C9orf43: variants seen among roughly 807,000 people sequenced by gnomAD.
C9orf43 encodes the protein uncharacterized protein C9orf43.
C9orf43 carries 45 observed loss-of-function variants against 59.1 expected under a neutral mutation model. That is an observed-to-expected ratio of 0.76 (90% CI 0.60 to 0.98). C9orf43 has a LOEUF of 0.98. C9orf43 is among the 50% of genes least tolerant of loss of function. The pLI, the probability that C9orf43 is intolerant of heterozygous loss-of-function variation, is 0.00. For synonymous variants in C9orf43, 203 were observed against 196.8 expected (o/e 1.03, Z -0.26); for missense variants, 533 against 554.9 (o/e 0.96, Z 0.40).
chr9:113,419,568 G>C (rs1439820516), intron 4 of C9orf43, among the ~76,000 whole-genome samples: 1 of 152,120 alleles, frequency 6.6e-6, no homozygotes, highest in Non-Finnish European at 1.5e-5. Flanking sequence ...TCTACAGTAA[G>C]AAATAGATTT....
chr9:113,418,331 T>C (rs751554856), intron 3 of C9orf43, among the ~76,000 whole-genome samples: 1 of 152,214 alleles, frequency 6.6e-6, no homozygotes, highest in Non-Finnish European at 1.5e-5. Flanking sequence ...ATTTGTCCTT[T>C]TGTGTCTGGC....
At chr9:113,423,217 C>T (rs1828651786) in intron 6 of C9orf43, 109 bp from the exon 7 acceptor site, 13 of 1,076,436 alleles carry the variant, frequency 1.2e-5, no homozygotes, top group Non-Finnish European at 1.7e-5. Flanking sequence ...GAGGAGGCAA[C>T]CATGGCTGGA....
intron 1 of C9orf43, among the ~76,000 whole-genome samples, chr9:113,413,106 C>T (rs1828231587): frequency 6.6e-6 from 1 of 152,150 alleles, no homozygotes. Context: ...ATATGCCAGG[C>T]TTTTAATATC....
At chr9:113,424,875 C>T in intron 8 of C9orf43, 144 bp from the exon 9 acceptor site, 1 of 665,412 alleles carries the variant, frequency 1.5e-6, no homozygotes. Flanking sequence ...TTCCCTTCCT[C>T]CGTAGCCCCT....
intron 6 of C9orf43, among the ~76,000 whole-genome samples, chr9:113,423,036 A>C (rs1828643090): frequency 6.6e-6 from 1 of 152,200 alleles, no homozygotes; most frequent in South Asian, 2.1e-4. Context: ...CCCCATCCCT[A>C]GCCCTGTGCC....
rs1828747887 is a variant in C9orf43 at position 113,425,359 on chromosome 9, A to G, written c.881A>G (p.Gln294Arg). ...TGGTCACCAGGTTACAGGAAACAGCAGCAGCGGCAGCAGCAGCAGCAGCAG... is the reference window on the plus strand; with the variant it reads ...TGGTCACCAGGTTACAGGAAACAGCGGCAGCGGCAGCAGCAGCAGCAGCAG... ...NLKTEGYRKQ[Q>R]QRQQQQQQQQ... The change falls in exon 10 of 14, where the codon CAG (glutamine) becomes CGG (arginine). Residue 294 changes from glutamine to arginine, a missense_variant. By Grantham distance (43) the Gln-to-Arg change is conservative. Transcript: ENST00000374165. 2 of 1,613,570 alleles carry G rather than the reference A, an allele frequency of 1.2e-6. No individual in the cohort carries two copies. Among genetic ancestry groups the G allele is most frequent in the East Asian group, 4.5e-5 (2 of 44,848 alleles).
chr9:113,418,306 G>A (rs1564403188), intron 3 of C9orf43, among the ~76,000 whole-genome samples: 1 of 152,234 alleles, frequency 6.6e-6, no homozygotes, highest in East Asian at 1.9e-4. Context: ...CCTCATGTAA[G>A]TGGAATTACA....
chr9:113,418,458 C>A (rs1263401394), intron 3 of C9orf43, among the ~76,000 whole-genome samples: 1 of 152,108 alleles, frequency 6.6e-6, no homozygotes, highest in Non-Finnish European at 1.5e-5. Context: ...AAGTACCAAA[C>A]CCTATATTTA....
intron 8 of C9orf43, 32 bp downstream of exon 8, chr9:113,424,348 T>C: frequency 6.4e-7 from 1 of 1,569,480 alleles, no homozygotes. Context: ...GGAAGAAGCC[T>C]ATGTGAAAAT....
At chr9:113,416,462 G>A (rs1828361899) in intron 3 of C9orf43, among the ~76,000 whole-genome samples, 1 of 152,006 alleles carries the variant, frequency 6.6e-6, no homozygotes, top group Non-Finnish European at 1.5e-5. Context: ...AACCTTAAAG[G>A]CCCTCTTCCT....
chr9:113,420,818 A>C (rs1262773556), intron 4 of C9orf43: 2 of 983,750 alleles, frequency 2.0e-6, no homozygotes, highest in Non-Finnish European at 2.4e-6. Flanking sequence ...GGTAAGCCCC[A>C]GGGCACCCTC....
intron 9 of C9orf43, 26 bp from the exon 10 acceptor site, chr9:113,425,318 G>A (rs1323448344): frequency 1.9e-6 from 3 of 1,613,564 alleles, no homozygotes; most frequent in Non-Finnish European, 1.7e-6. Context: ...GTTAGAAGAG[G>A]ATCAAGCTGG....
chr9:113,429,343 C>G lies in C9orf43; in HGVS notation c.1343C>G (p.Thr448Ser). ...ELKLLRILQD[T>S]DDEDEEDQSS... ...AAACTACTTAGGATTCTTCAGGACA[C>G]TGATGATGAGGATGAGGAGGACCAG... is the stretch of plus-strand genomic sequence containing the variant. The change falls in exon 14 of 14, where the codon ACT (threonine) becomes AGT (serine). Residue 448 changes from threonine (T) to serine (S), a missense_variant. By Grantham distance (58) the Thr-to-Ser change is moderately conservative. Transcript: ENST00000374165. 5 of 1,614,174 alleles carry G rather than the reference C, an allele frequency of 3.1e-6. No individual in the cohort carries two copies. Among genetic ancestry groups the G allele is most frequent in the Non-Finnish European group, 4.2e-6 (5 of 1,180,046 alleles).
intron 3 of C9orf43, among the ~76,000 whole-genome samples, chr9:113,417,189 A>G (rs1234916846): frequency 6.6e-6 from 1 of 152,206 alleles, no homozygotes; most frequent in Non-Finnish European, 1.5e-5. Context: ...AGTAGTGGAA[A>G]CATAATAAGT....
chr9:113,422,637 A>G, intron 6 of C9orf43, 52 bp downstream of exon 6: 2 of 1,602,036 alleles, frequency 1.2e-6, no homozygotes, highest in Non-Finnish European at 1.7e-6. Flanking sequence ...TGTAGAGTTT[A>G]TTTTGTTTTC....
At position 113,413,746 on chromosome 9, in the gene C9orf43, T is replaced by C; in HGVS notation, c.152-13T>C. 6.2e-7 allele frequency: 1 copy of C among 1,613,446 alleles called. No individual in the cohort carries two copies. Among genetic ancestry groups the C allele is most frequent in the Non-Finnish European group, 8.5e-7 (1 of 1,179,754 alleles). On this transcript the variant is annotated splice_polypyrimidine_tract_variant and intron_variant, in intron 2 of 13. Coordinates refer to ENST00000374165, the MANE Select transcript of C9orf43 (RefSeq NM_001278629.2). The stretch of plus-strand genomic sequence containing the variant: ...AGCAGGTTAACATGTTTTCTTCTGG[T>C]CTGCCTTCTTAGATAAACTCCCAGT...
At position 113,424,315 on chromosome 9, in the gene C9orf43, A is replaced by C; in HGVS notation, c.806A>C (p.Glu269Ala). The C allele has an allele frequency of 6.2e-7, 1 of 1,604,506 alleles. No homozygotes were observed. Among genetic ancestry groups the C allele is most frequent in the Non-Finnish European group, 8.5e-7 (1 of 1,176,934 alleles). The change falls in exon 8 of 14, where the codon GAA becomes GCA. Residue 269 changes from glutamate to alanine, a missense_variant and splice_region_variant. Physicochemically the swap from Glu to Ala is moderately radical, Grantham distance 107. Coordinates refer to ENST00000374165, the MANE Select transcript of C9orf43 (RefSeq NM_001278629.2). ...CTATCTATACACCGCCTCACCCTGG[A>C]AGTAAGAGCTAGGAAACAGCAGGGA... ...MFLSIHRLTL[E>A]RPALRYPERL...
In C9orf43 at chr9:113,425,433, T is replaced by C; in HGVS notation, c.942+13T>C. On this transcript the variant is annotated intron_variant, in intron 10 of 13. Coordinates refer to ENST00000374165, the MANE Select transcript of C9orf43 (RefSeq NM_001278629.2). ...TATTAAGAAACAGGTAGAGTGGCAG[T>C]GAGGGGCTTGCTGGGACTGGGAGAG... 6.2e-7 allele frequency: 1 copy of C among 1,609,402 alleles called. No homozygotes were observed. The highest frequency in any genetic ancestry group is 8.5e-7 in the Non-Finnish European group (1 of 1,177,646).
chr9:113,425,248 C>T (rs1828743479), intron 9 of C9orf43, 96 bp from the exon 10 acceptor site: 4 of 1,571,008 alleles, frequency 2.5e-6, no homozygotes. Flanking sequence ...TTGGTCCTTA[C>T]CAGGGAGTCA....
Sources: gnomAD v4.1 joint callset for allele counts (sites outside exome capture counted in the v4.1 genomes callset) on GRCh38, gnomAD v4.1.1 for gene constraint, MANE v1.5 for transcripts, NCBI Gene and HGNC (gene_info 2026-07-23, HGNC 2026-07-21) for gene names.